NCS1: variants seen among roughly 807,000 people sequenced by gnomAD.
The protein encoded by NCS1 is neuronal calcium sensor 1.
Under a neutral mutation model 28.4 loss-of-function variants are expected in NCS1, and 6 were observed. The observed-to-expected ratio is 0.21, with a 90% CI of 0.12 to 0.42. The LOEUF is 0.42. Among genes scored for constraint, NCS1 ranks in the 10% least tolerant of loss-of-function variants. The probability of loss-of-function intolerance (pLI) is 1.00; values close to 1 mark genes in which losing one functional copy is unlikely to be tolerated. For missense variants in NCS1, 131 were observed against 241.4 expected (o/e 0.54, Z 3.03); for synonymous variants, 86 against 99.3 (o/e 0.87, Z 0.79).
intron 5 of NCS1, 118 bp from the exon 6 acceptor site, chr9:130,222,964 G>C (rs1477169195): frequency 1.2e-6 from 1 of 813,930 alleles, no homozygotes; most frequent in Non-Finnish European, 2.0e-6. Flanking sequence ...GATGGGGAGG[G>C]GAAAGAAGAG....
At chr9:130,190,066 A>AGAGAGAGAG (rs1832798528) in intron 1 of NCS1, among the ~76,000 whole-genome samples, 1 of 84,454 alleles carries the variant, frequency 1.2e-5, no homozygotes, top group African/African-American at 4.1e-5. Context: ...GAGAGAGAGA[A>AGAGAGAGAG]TATATGTGGT....
rs115404777 is a variant in NCS1 at position 130,219,687 on chromosome 9, C to A, written c.229-38C>A. On this transcript the variant is annotated intron_variant, in intron 3 of 7. Transcript: ENST00000372398. The surrounding 1 kb of genome is among the most constrained non-coding windows in gnomAD (Gnocchi z 5.7). ...GTTCAGCCTGACCCGGTGGCCTGGC[C>A]GGCACTGACTGAGGCAATCCCCTCT... 6.2e-7 allele frequency: 1 copy of A among 1,604,998 alleles called. No individual in the cohort carries two copies. Among genetic ancestry groups the A allele is most frequent in the Non-Finnish European group, 8.5e-7 (1 of 1,171,728 alleles).
intron 2 of NCS1, among the ~76,000 whole-genome samples, chr9:130,217,123 C>G (rs1833202190): frequency 6.6e-6 from 1 of 152,200 alleles, no homozygotes; most frequent in South Asian, 2.1e-4. Flanking sequence ...GAGGCTCAGA[C>G]AGGTGAGGGC....
intron 2 of NCS1, among the ~76,000 whole-genome samples, chr9:130,208,664 C>G (rs1443669881): frequency 6.6e-6 from 1 of 152,222 alleles, no homozygotes; most frequent in African/African-American, 2.4e-5. Flanking sequence ...GAATTCTGTC[C>G]TCGCATCAAC....
chr9:130,196,392 C>G (rs1160999835), intron 1 of NCS1, among the ~76,000 whole-genome samples: 1 of 152,212 alleles, frequency 6.6e-6, no homozygotes, highest in Non-Finnish European at 1.5e-5. Flanking sequence ...TATTTCTAAA[C>G]CATGTCACAA....
At chr9:130,173,424 C>A (rs1832519536) in intron 1 of NCS1, among the ~76,000 whole-genome samples, 2 of 152,186 alleles carry the variant, frequency 1.3e-5, no homozygotes, top group Non-Finnish European at 2.9e-5. Context: ...CCTTTCTGGG[C>A]GTCTCCAGAT....
intron 1 of NCS1, among the ~76,000 whole-genome samples, chr9:130,174,891 T>C (rs567632813): frequency 1.3e-5 from 2 of 151,058 alleles, no homozygotes; most frequent in African/African-American, 4.9e-5. Context: ...GTGATAGTCC[T>C]GTCCGGCCCC....
At chr9:130,212,726 T>G (rs1292962879) in intron 2 of NCS1, among the ~76,000 whole-genome samples, 1 of 151,246 alleles carries the variant, frequency 6.6e-6, no homozygotes, top group Admixed American at 6.6e-5. Context: ...GAGTGGGGGA[T>G]GGAGTCACGT....
At chr9:130,183,311 G>C (rs886388624) in intron 1 of NCS1, among the ~76,000 whole-genome samples, 24 of 151,994 alleles carry the variant, frequency 1.6e-4, no homozygotes, top group South Asian at 8.3e-4. Flanking sequence ...GCGGCTGGGG[G>C]GGGGAGCTCC....
chr9:130,182,556 G>A (rs1203870627), intron 1 of NCS1, among the ~76,000 whole-genome samples: 1 of 152,234 alleles, frequency 6.6e-6, no homozygotes, highest in Non-Finnish European at 1.5e-5. Context: ...CAGAGTTGAG[G>A]CCTTGTGGAA....
In NCS1 at chr9:130,233,593, C is replaced by CT. The variant is rs1311499171; in HGVS notation, c.*626dup. On this transcript the variant is annotated 3_prime_UTR_variant, in exon 8 of 8. Transcript: ENST00000372398. This position sits in a 1 kb window ranked among gnomAD's most constrained non-coding sequence, Gnocchi z 4.8. The stretch of plus-strand genomic sequence containing the variant: ...TTTTTTTTGTGATAACAGTATTGTG[C>CT]TTTTTGTGGGGAAAGTGAGGTTTTT... 7 of 139,264 alleles carry CT rather than the reference C, an allele frequency of 5.0e-5. No individual in the cohort carries two copies. The highest frequency in any genetic ancestry group is 2.6e-4 in the South Asian group (1 of 3,888). 8.6% of individuals were successfully genotyped at this position (139,264 alleles called of 1,614,324 possible).
chr9:130,172,728 G>A lies in NCS1; in HGVS notation c.64+1G>A. On this transcript the variant is annotated splice_donor_variant, in intron 1 of 7. Transcript: ENST00000372398. LOFTEE classifies it high-confidence loss of function. ...GAGGAGCTGACCAGGAAGACCTACTGTGAGTGCTCCCAGCCCCCAGCCCGC... is the reference window on the plus strand; with the variant it reads ...GAGGAGCTGACCAGGAAGACCTACTATGAGTGCTCCCAGCCCCCAGCCCGC... 6.6e-7 allele frequency: 1 copy of A among 1,506,806 alleles called. No individual in the cohort carries two copies. Among genetic ancestry groups the A allele is most frequent in the Non-Finnish European group, 8.9e-7 (1 of 1,121,946 alleles). The allele number at this position is 1,506,806 out of a possible 1,614,324, so 93.3% of individuals were successfully genotyped here.
intron 1 of NCS1, among the ~76,000 whole-genome samples, chr9:130,178,435 A>AG (rs1564701364): frequency 6.6e-6 from 1 of 152,174 alleles, no homozygotes. Flanking sequence ...ACCCCGTGTC[A>AG]GGGGAAAGCC....
At chr9:130,214,596 A>G (rs1402740547) in intron 2 of NCS1, among the ~76,000 whole-genome samples, 1 of 151,974 alleles carries the variant, frequency 6.6e-6, no homozygotes, top group Non-Finnish European at 1.5e-5. Context: ...TTGATCAGAT[A>G]TCGTGGGGGT....
chr9:130,221,401 TATATATATATATAGAGAGAGAG>T (rs1478384810), intron 4 of NCS1, among the ~76,000 whole-genome samples: 19 of 45,066 alleles, frequency 4.2e-4, no homozygotes, highest in African/African-American at 1.1e-3. Context: ...TATATATATA[TATATATATATATAGAGAGAGAG>T]AGAGAGAGAG....
At chr9:130,184,380 C>T (rs1427680645) in intron 1 of NCS1, among the ~76,000 whole-genome samples, 6 of 152,074 alleles carry the variant, frequency 3.9e-5, no homozygotes, top group Non-Finnish European at 7.4e-5. Flanking sequence ...CCTTTCCCAC[C>T]GAGCCCTCAG....
At chr9:130,190,032 A>AGAGAGAGAGAGAG (rs1554906086) in intron 1 of NCS1, among the ~76,000 whole-genome samples, 3 of 120,470 alleles carry the variant, frequency 2.5e-5, no homozygotes, top group African/African-American at 1.0e-4. Context: ...ATGTTTATGC[A>AGAGAGAGAGAGAG]AGAGAGAGAG....
intron 1 of NCS1, among the ~76,000 whole-genome samples, chr9:130,185,013 G>A (rs1056252155): frequency 8.7e-5 from 13 of 149,076 alleles, no homozygotes; most frequent in African/African-American, 3.2e-4. Context: ...GTAAGCCACC[G>A]CGCCCGGCCA....
Position 130,217,917 on chromosome 9 carries a change from G to A in NCS1, c.175G>A (p.Gly59Arg). The A allele has an allele frequency of 1.2e-6, 2 of 1,614,156 alleles. No individual in the cohort carries two copies. The highest frequency in any genetic ancestry group is 2.2e-5 in the East Asian group (1 of 44,876). Reference sequence around the variant, plus strand: ...GATCTACAAGCAATTCTTCCCGTTCGGAGACCCCACCAAGTTTGCCACATT... The same window carrying A: ...GATCTACAAGCAATTCTTCCCGTTCAGAGACCCCACCAAGTTTGCCACATT... ...QKIYKQFFPF[G>R]DPTKFATFVF... Residue 59 changes from glycine to arginine, a missense_variant, in exon 3 of 8, where the codon GGA becomes AGA. Physicochemically the swap from Gly to Arg is moderately radical, Grantham distance 125. This residue lies in a region of NCS1 where 100 missense variants were observed against 210.3 expected (regional missense o/e 0.48). Coordinates refer to ENST00000372398, the MANE Select transcript of NCS1 (RefSeq NM_014286.4).
Sources: gnomAD v4.1 joint callset for allele counts (sites outside exome capture counted in the v4.1 genomes callset) on GRCh38, gnomAD v4.1.1 for gene constraint, gnomAD v4.1.1 regional missense constraint, Gnocchi (gnomAD v3.1) non-coding constraint, MANE v1.5 for transcripts, NCBI Gene and HGNC (gene_info 2026-07-23, HGNC 2026-07-21) for gene names.